BFSP2: variants seen among roughly 807,000 people sequenced by gnomAD.
BFSP2 encodes the protein phakinin.
A neutral mutation model predicts 44.9 loss-of-function variants in BFSP2; 38 were observed. The observed-to-expected ratio is 0.85, with a 90% confidence interval of 0.65 to 1.11. The LOEUF (loss-of-function observed/expected upper bound fraction) is 1.11, where lower values mean the gene tolerates loss of function less well. BFSP2 is among the 50% of genes least tolerant of loss of function. The pLI is 0.00. For missense variants in BFSP2, 525 were observed against 533.0 expected, an observed-to-expected ratio of 0.99 and a Z score of 0.15; for synonymous variants, 197 against 209.9, an observed-to-expected ratio of 0.94 and a Z score of 0.53.
intron 1 of BFSP2, among the ~76,000 whole-genome samples, chr3:133,431,320 A>G (rs190612052): frequency 9.8e-4 from 149 of 152,324 alleles, no homozygotes; most frequent in African/African-American, 3.5e-3. Flanking sequence ...TCCCAGCCAC[A>G]TCTCCAGCAC....
chr3:133,466,949 T>A lies in BFSP2; in HGVS notation c.1013T>A (p.Leu338Ter). 1 of 1,614,080 alleles carries A rather than the reference T, an allele frequency of 6.2e-7. No homozygotes were observed. The highest frequency in any genetic ancestry group is 8.5e-7 in the Non-Finnish European group (1 of 1,179,972). ...VQSLQAETES[L>*]RALKRGLENT... ...AGCCTCCAGGCTGAGACAGAATCCT[T>A]ACGTGCCCTGGTAAGTGGGCCAAGG... The change falls in exon 5 of 7, where the codon TTA becomes TAA. Residue 338 changes from leucine (L) to a stop codon, truncating the protein, a stop_gained. Coordinates refer to ENST00000302334, the MANE Select transcript of BFSP2 (RefSeq NM_003571.4). LOFTEE classifies it high-confidence loss of function.
intron 4 of BFSP2, among the ~76,000 whole-genome samples, chr3:133,460,136 C>T (rs1257939162): frequency 6.6e-6 from 1 of 152,190 alleles, no homozygotes; most frequent in Non-Finnish European, 1.5e-5. Context: ...AAATTTTCCA[C>T]AAAAGCAGAG....
chr3:133,447,080 G>T (rs185043936), intron 1 of BFSP2, among the ~76,000 whole-genome samples: 1 of 152,188 alleles, frequency 6.6e-6, no homozygotes, highest in African/African-American at 2.4e-5. Context: ...GTCTTTTTGT[G>T]CCAAAAATCC....
chr3:133,461,364 T>C lies in BFSP2; in HGVS notation c.892-5464T>C, dbSNP rs183998820. On this transcript the variant is annotated intron_variant, in intron 4 of 6. Transcript: ENST00000302334. ...ATTATGTTTCAAAATGTCGACATGC[T>C]CTCCTGCCCCAGAAGTAATTGCACT... Among the ~76,000 whole-genome samples, 23 of 152,316 alleles carry C rather than the reference T, an allele frequency of 1.5e-4. No individual in the cohort carries two copies. The East Asian group carries it at 3.3e-3, about 22-fold the overall frequency.
intron 1 of BFSP2, among the ~76,000 whole-genome samples, chr3:133,422,830 T>C (rs73211849): frequency 0.14 from 13,672 of 98,888 alleles, 685 homozygotes; most frequent in Middle Eastern, 0.3. Context: ...GACAGGGGGG[T>C]TGCCGAGAGA....
At chr3:133,406,929 C>T (rs2073409661) in intron 1 of BFSP2, among the ~76,000 whole-genome samples, 1 of 152,110 alleles carries the variant, frequency 6.6e-6, no homozygotes, top group Admixed American at 6.5e-5. Flanking sequence ...AATGCTGAGG[C>T]TGGGCATGTG....
Position 133,445,884 on chromosome 3 carries a change from AG to A in BFSP2, c.490-1430del, listed in dbSNP as rs376617948. ...GGTTTTCTATAAGCTTTAATTTTGG[AG>A]GGTAGGAATTGTTACCTTAAAAGAA... On this transcript the variant is annotated intron_variant, in intron 1 of 6. Transcript: ENST00000302334. 9.1e-3 allele frequency among the ~76,000 whole-genome samples: 1,381 copies of A among 152,270 alleles called. 27 individuals carry two copies. Among genetic ancestry groups the A allele is most frequent in the African/African-American group, 0.031 (1,289 of 41,552 alleles).
chr3:133,440,230 ATTCAAT>A (rs1397328225), intron 1 of BFSP2, among the ~76,000 whole-genome samples: 3 of 1,846 alleles, frequency 1.6e-3, no homozygotes, highest in Admixed American at 2.8e-3. Context: ...TACCCCCATG[ATTCAAT>A]GATTCAATTA....
chr3:133,405,888 G>T (rs1467767587), intron 1 of BFSP2, among the ~76,000 whole-genome samples: 2 of 152,210 alleles, frequency 1.3e-5, no homozygotes, highest in Non-Finnish European at 2.9e-5. Context: ...AGGGGGAGAA[G>T]GAGGCATGAG....
chr3:133,410,372 G>A (rs2073438867), intron 1 of BFSP2: 2 of 326,650 alleles, frequency 6.1e-6, no homozygotes, highest in Middle Eastern at 9.6e-4. Flanking sequence ...TCACATAGCA[G>A]TAGTGGGAGC....
intron 4 of BFSP2, among the ~76,000 whole-genome samples, chr3:133,453,624 G>C (rs997203463): frequency 3.3e-5 from 5 of 152,130 alleles, no homozygotes; most frequent in African/African-American, 1.2e-4. Context: ...AAAGGCAAGG[G>C]AGCTGAGATG....
At chr3:133,447,835 A>G (rs1394463827) in intron 2 of BFSP2, among the ~76,000 whole-genome samples, 1 of 152,222 alleles carries the variant, frequency 6.6e-6, no homozygotes, top group Non-Finnish European at 1.5e-5. Context: ...CAACCTGGGC[A>G]TATCAGAATT....
At chr3:133,468,540 C>T (rs1485903783) in intron 5 of BFSP2, among the ~76,000 whole-genome samples, 1 of 152,178 alleles carries the variant, frequency 6.6e-6, no homozygotes, top group African/African-American at 2.4e-5. Context: ...CTCAATTGTG[C>T]ATCTCTTTTT....
intron 1 of BFSP2, among the ~76,000 whole-genome samples, chr3:133,445,174 AT>A (rs1559973118): frequency 6.6e-6 from 1 of 152,242 alleles, no homozygotes; most frequent in Non-Finnish European, 1.5e-5. Flanking sequence ...TGAAATGAGC[AT>A]TATACTGGAG....
At chr3:133,423,742 G>A (rs111351900) in intron 1 of BFSP2, among the ~76,000 whole-genome samples, 2 of 152,072 alleles carry the variant, frequency 1.3e-5, no homozygotes, top group Non-Finnish European at 2.9e-5. Context: ...TGGTTCTCTT[G>A]GCAGGTGGCG....
chr3:133,460,783 A>G (rs968776195), intron 4 of BFSP2, among the ~76,000 whole-genome samples: 2 of 152,222 alleles, frequency 1.3e-5, no homozygotes, highest in African/African-American at 2.4e-5. Flanking sequence ...TGAGATTAGC[A>G]TGATCTCATG....
chr3:133,473,710 A>G (rs534724970), intron 6 of BFSP2, among the ~76,000 whole-genome samples: 209 of 151,650 alleles, frequency 1.4e-3, no homozygotes, highest in African/African-American at 4.4e-3. Flanking sequence ...CACATCTTGC[A>G]CCGCCCTTAA....
Position 133,448,490 on chromosome 3 carries a change from T to C in BFSP2, c.574T>C (p.Tyr192His). 6.2e-7 allele frequency: 1 copy of C among 1,613,872 alleles called. No homozygotes were observed. The change falls in exon 3 of 7, where the codon TAT becomes CAT. Residue 192 changes from tyrosine to histidine, a missense_variant and splice_region_variant. Coordinates refer to ENST00000302334, the MANE Select transcript of BFSP2 (RefSeq NM_003571.4). ...CTAATTAAGTTCCTTTATCTGCAGA[T>C]ATGAAAATGAGCAGCCATTTCGAAA... ...QAGADDFKER[Y>H]ENEQPFRKAA... is the part of the protein sequence containing the mutation.
chr3:133,404,217 A>G (rs1013490364), intron 1 of BFSP2, among the ~76,000 whole-genome samples: 1 of 152,164 alleles, frequency 6.6e-6, no homozygotes, highest in African/African-American at 2.4e-5. Flanking sequence ...CAATAGTTTT[A>G]TCTTTGAATT....
Sources: allele counts gnomAD v4.1 joint callset (sites outside exome capture counted in the v4.1 genomes callset), GRCh38; gene constraint gnomAD v4.1.1; transcripts MANE v1.5; gene names NCBI Gene and HGNC (gene_info 2026-07-23, HGNC 2026-07-21).